Variants in TRIM4 observed in about 807,000 individuals in gnomAD.
TRIM4 encodes the protein tripartite motif containing 4, also known as E3 ubiquitin-protein ligase TRIM4.
Under a neutral mutation model 33.7 loss-of-function variants are expected in TRIM4, and 29 were observed. That is an observed-to-expected ratio of 0.86 (90% CI 0.64 to 1.17). The LOEUF (loss-of-function observed/expected upper bound fraction) is 1.17. Among genes scored for constraint, TRIM4 ranks in the 50% most tolerant of loss-of-function variants. The pLI is 0.00. For synonymous variants in TRIM4, 224 were observed against 233.0 expected (o/e 0.96, Z 0.35); for missense variants, 554 against 593.7 (o/e 0.93, Z 0.69).
intron 5 of TRIM4, among the ~76,000 whole-genome samples, chr7:99,899,161 T>C (rs553887816): frequency 6.6e-6 from 1 of 152,264 alleles, no homozygotes; most frequent in Admixed American, 6.5e-5. Context: ...TATTCAGAGT[T>C]CTGAGCTAAA....
At chr7:99,912,187 C>T (rs1819460449) in intron 1 of TRIM4, among the ~76,000 whole-genome samples, 1 of 152,148 alleles carries the variant, frequency 6.6e-6, no homozygotes, top group Non-Finnish European at 1.5e-5. Context: ...CAAAGCTCAG[C>T]AAATGTACAA....
At chr7:99,903,197 A>T (rs1285175729) in intron 5 of TRIM4, 21 bp downstream of exon 5, 5 of 1,575,822 alleles carry the variant, frequency 3.2e-6, no homozygotes, top group African/African-American at 2.7e-5. Flanking sequence ...AGGAGCCCCA[A>T]GTCCTAGAAA....
intron 1 of TRIM4, 141 bp downstream of exon 1, chr7:99,918,868 G>T: frequency 1.8e-6 from 2 of 1,132,978 alleles, no homozygotes; most frequent in Non-Finnish European, 2.4e-6. Context: ...TTCGTGTTTT[G>T]CTTAACTTCT....
Position 99,908,652 on chromosome 7 carries a change from A to G in TRIM4, c.650T>C (p.Ile217Thr), listed in dbSNP as rs1420609162. The change falls in exon 3 of 6, where the codon ATC becomes ACC. Residue 217 changes from isoleucine (I) to threonine (T), a missense_variant. Ile to Thr is a moderately conservative substitution (Grantham distance 89). This residue lies in a region of TRIM4 where 290 missense variants were observed against 335.8 expected (regional missense o/e 0.86). Transcript: ENST00000349062. ...TAAGATGAGCTTCTTCAATGAAGCGATAGTTTGATTGAGTTTTAACGTGTT... is the reference window on the plus strand; with the variant it reads ...TAAGATGAGCTTCTTCAATGAAGCGGTAGTTTGATTGAGTTTTAACGTGTT... ...NENTLKLNQT[I>T]ASLKKLILEV... 6.2e-7 allele frequency: 1 copy of G among 1,614,176 alleles called. No homozygotes were observed. The highest frequency in any genetic ancestry group is 1.3e-5 in the African/African-American group (1 of 75,042).
At chr7:99,907,537 T>C (rs1819335899) in intron 3 of TRIM4, among the ~76,000 whole-genome samples, 1 of 152,254 alleles carries the variant, frequency 6.6e-6, no homozygotes. Flanking sequence ...GTTAAGCCTG[T>C]ATTTTAAATG....
chr7:99,912,679 G>A (rs916314208), intron 1 of TRIM4, among the ~76,000 whole-genome samples: 46 of 152,358 alleles, frequency 3.0e-4, no homozygotes, highest in African/African-American at 1.0e-3. Context: ...GGACAGCTAT[G>A]TGATAAAAGA....
In TRIM4 at chr7:99,909,650, A is replaced by C; in HGVS notation, c.404T>G (p.Leu135Arg). The C allele has an allele frequency of 6.2e-7, 1 of 1,613,552 alleles. No individual in the cohort carries two copies. Residue 135 changes from leucine to arginine, a missense_variant, in exon 2 of 6, where the codon CTT becomes CGT. Leu to Arg is a moderately radical substitution (Grantham distance 102). Transcript: ENST00000349062. ...GGCCACGAGATTACGCTGAGACTTA[A>C]GAAGTTTCTCCTGCCAGCAGAAACA... ...EAFESYREKLLKSQRNLVAKM... is the reference protein window; with the variant it reads ...EAFESYREKLRKSQRNLVAKM...
chr7:99,892,834 C>A, intron 5 of TRIM4, 88 bp from the exon 6 acceptor site: 1 of 1,145,304 alleles, frequency 8.7e-7, no homozygotes. Context: ...TCAGTTTCAT[C>A]TTTCTCCTCC....
intron 5 of TRIM4, among the ~76,000 whole-genome samples, chr7:99,899,941 C>T (rs556464170): frequency 6.6e-6 from 1 of 152,252 alleles, no homozygotes; most frequent in Admixed American, 6.5e-5. Context: ...CAGGCACACA[C>T]CAGCACACTA....
intron 5 of TRIM4, among the ~76,000 whole-genome samples, chr7:99,902,578 A>G (rs1037252740): frequency 3.9e-5 from 6 of 152,178 alleles, no homozygotes; most frequent in African/African-American, 1.2e-4. Context: ...ACATGTGCAC[A>G]TAAGAATCAC....
chr7:99,908,761 G>A lies in TRIM4; in HGVS notation c.541C>T (p.His181Tyr). The change falls in exon 3 of 6, where the codon CAC becomes TAC. Residue 181 changes from histidine to tyrosine, a missense_variant. Around this residue, in one of 3 missense-constraint regions of TRIM4, gnomAD observed 31 missense variants for 54.8 expected, o/e 0.57. Transcript: ENST00000349062. ...MRISTEFSKL[H>Y]NFLVEEEDLF... The stretch of plus-strand genomic sequence containing the variant: ...TCCTCTTCTTCAACCAGGAAGTTGT[G>A]CAGCTTTGAAAACTCCGTGCTGATT... 1 of 1,614,118 alleles carries A rather than the reference G, an allele frequency of 6.2e-7. No individual in the cohort carries two copies. Among genetic ancestry groups the A allele is most frequent in the Non-Finnish European group, 8.5e-7 (1 of 1,180,028 alleles).
chr7:99,919,362 TG>T lies in TRIM4; in HGVS notation c.39del (p.Ile14SerfsTer57). On this transcript the variant is annotated frameshift_variant, in exon 1 of 6. Transcript: ENST00000349062. LOFTEE classifies it high-confidence loss of function. Reference sequence around the variant, plus strand: ...GGGTCCTGGAAATAGTCCAGGCAGATGGGGCAGGTCAACTCCTCCTGGATGT... The same window carrying T: ...GGGTCCTGGAAATAGTCCAGGCAGATGGGCAGGTCAACTCCTCCTGGATGT... ...AEDIQEELTC[P>X]ICLDYFQDPV... 3 of 1,578,134 alleles carry T rather than the reference TG, an allele frequency of 1.9e-6. No individual in the cohort carries two copies. The highest frequency in any genetic ancestry group is 1.4e-5 in the African/African-American group (1 of 71,942).
chr7:99,896,634 A>T (rs1375735356), intron 5 of TRIM4, among the ~76,000 whole-genome samples: 1 of 152,164 alleles, frequency 6.6e-6, no homozygotes, highest in African/African-American at 2.4e-5. Context: ...CTAGCACAAC[A>T]ATTAGCCCAG....
intron 1 of TRIM4, among the ~76,000 whole-genome samples, chr7:99,910,386 A>G (rs557059403): frequency 6.2e-4 from 94 of 152,352 alleles, no homozygotes; most frequent in Non-Finnish European, 1.2e-3. Flanking sequence ...TGGTCACTAT[A>G]GCATTATTCA....
In TRIM4 at chr7:99,896,916, A is replaced by G. The variant is rs149988368; in HGVS notation, c.842-4170T>C. On this transcript the variant is annotated intron_variant, in intron 5 of 5. Coordinates refer to ENST00000349062, the MANE Select transcript of TRIM4 (RefSeq NM_033091.3). ...GGCCAGTCCTGACTGTGCTTAGAGCAGCCCCCAAGGTTGAGCTTGTGGCAC... is the reference window on the plus strand; with the variant it reads ...GGCCAGTCCTGACTGTGCTTAGAGCGGCCCCCAAGGTTGAGCTTGTGGCAC... Among the ~76,000 whole-genome samples the G allele has an allele frequency of 2.7e-3, 410 of 152,372 alleles. 4 individuals are homozygous for G. The highest frequency in any genetic ancestry group is 9.5e-3 in the African/African-American group (394 of 41,594).
chr7:99,914,965 G>A (rs564112968), intron 1 of TRIM4, among the ~76,000 whole-genome samples: 119 of 151,848 alleles, frequency 7.8e-4, no homozygotes, highest in Middle Eastern at 6.8e-3. Flanking sequence ...GCCCACCGCC[G>A]CACCTAGCTG....
chr7:99,918,962 G>T, intron 1 of TRIM4, 47 bp downstream of exon 1: 1 of 1,547,936 alleles, frequency 6.5e-7, no homozygotes, highest in Non-Finnish European at 8.7e-7. Flanking sequence ...AAACTTTATC[G>T]GGCAACACTG....
At chr7:99,914,107 G>A (rs963509692) in intron 1 of TRIM4, among the ~76,000 whole-genome samples, 1 of 152,152 alleles carries the variant, frequency 6.6e-6, no homozygotes, top group African/African-American at 2.4e-5. Flanking sequence ...GCCACCGCTA[G>A]TTGAAGCCAC....
intron 3 of TRIM4, among the ~76,000 whole-genome samples, chr7:99,906,062 T>C (rs1399306602): frequency 6.6e-6 from 1 of 152,052 alleles, no homozygotes; most frequent in Non-Finnish European, 1.5e-5. Context: ...AGAGAATAGC[T>C]TGTACCCGGG....
Sources: allele counts gnomAD v4.1 joint callset (sites outside exome capture counted in the v4.1 genomes callset), GRCh38; gene constraint gnomAD v4.1.1; regional missense constraint gnomAD v4.1.1; transcripts MANE v1.5; gene names NCBI Gene and HGNC (gene_info 2026-07-23, HGNC 2026-07-21).